Variants in UBE4B observed in about 807,000 individuals in gnomAD.
UBE4B encodes the protein ubiquitin conjugation factor E4 B.
Under a neutral mutation model 148.1 loss-of-function variants are expected in UBE4B, and 27 were observed. That is an observed-to-expected ratio of 0.18 (90% CI 0.13 to 0.25). UBE4B has a LOEUF of 0.25. Among genes scored for constraint, UBE4B ranks in the 10% least tolerant of loss-of-function variants. The pLI is 1.00. For synonymous variants in UBE4B, 596 were observed against 619.3 expected, an observed-to-expected ratio of 0.96 and a Z score of 0.56; for missense variants, 1,170 against 1,662.4, an observed-to-expected ratio of 0.70 and a Z score of 5.15.
intron 9 of UBE4B, among the ~76,000 whole-genome samples, chr1:10,121,396 C>CT (rs1268428185): frequency 6.6e-6 from 1 of 151,976 alleles, no homozygotes; most frequent in Non-Finnish European, 1.5e-5. Context: ...TATAATACTT[C>CT]TTTTTTATTT....
At chr1:10,058,521 G>A in intron 1 of UBE4B, 1 of 152,982 alleles carries the variant, frequency 6.5e-6, no homozygotes, top group Non-Finnish European at 1.5e-5. Context: ...GGCATGGGGT[G>A]CTGGGTGGTG....
At chr1:10,156,239 C>CTTT (rs199801311) in intron 21 of UBE4B, among the ~76,000 whole-genome samples, 1 of 123,772 alleles carries the variant, frequency 8.1e-6, no homozygotes, top group African/African-American at 3.1e-5. Context: ...ATTTTCTTTT[C>CTTT]TTTTTTTTTT....
chr1:10,039,227 G>A (rs1481397126), intron 1 of UBE4B, among the ~76,000 whole-genome samples: 2 of 152,124 alleles, frequency 1.3e-5, no homozygotes, highest in South Asian at 4.1e-4. Context: ...AGGGACCCCG[G>A]GAGAGGCAGG....
At position 10,161,043 on chromosome 1, in the gene UBE4B, T is replaced by C. The variant is rs1646151634; in HGVS notation, c.3054-99T>C. 7.3e-7 allele frequency: 1 copy of C among 1,364,426 alleles called. No individual in the cohort carries two copies. The allele number at this position is 1,364,426 out of a possible 1,614,324, so 84.5% of individuals were successfully genotyped here. On this transcript the variant is annotated intron_variant, in intron 22 of 27. Transcript: ENST00000343090. The surrounding 1 kb of genome is among the most constrained non-coding windows in gnomAD (Gnocchi z 4.1). ...GGGTAGCCAGGCTTTTAGGGTGAGA[T>C]AGTTGCAGTCTGGGTGGAGGTGCTT...
chr1:10,130,375 C>A, intron 12 of UBE4B, 125 bp from the exon 13 acceptor site: 1 of 901,138 alleles, frequency 1.1e-6, no homozygotes. Flanking sequence ...GCCACCATGC[C>A]TGGCTGAAAC....
In UBE4B at chr1:10,164,113, G is replaced by A. The variant is rs369280542; in HGVS notation, c.3198+2827G>A. On this transcript the variant is annotated intron_variant, in intron 23 of 27. Transcript: ENST00000343090. ...ATCAGCACTTTGGGAGGCCGAGGCC[G>A]GCAGATCACCTGAGGCCAGGAGTTT... Among the ~76,000 whole-genome samples the A allele has an allele frequency of 1.8e-4, 27 of 152,060 alleles. 1 individual carries two copies. The highest frequency in any genetic ancestry group is 3.7e-4 in the Non-Finnish European group (25 of 67,980).
chr1:10,108,576 C>T (rs1645161728), intron 7 of UBE4B, among the ~76,000 whole-genome samples: 1 of 152,016 alleles, frequency 6.6e-6, no homozygotes, highest in Non-Finnish European at 1.5e-5. Flanking sequence ...GTGTTTGTGC[C>T]CAGCACTGTT....
At chr1:10,179,601 A>T (rs760001496) in intron 27 of UBE4B, 39 bp downstream of exon 27, 1 of 1,605,018 alleles carries the variant, frequency 6.2e-7, no homozygotes, top group Non-Finnish European at 8.5e-7. Flanking sequence ...CGCTGGCGTC[A>T]GTACCAAGAG....
intron 3 of UBE4B, among the ~76,000 whole-genome samples, chr1:10,098,594 AC>A (rs1644963820): frequency 6.6e-6 from 1 of 152,110 alleles, no homozygotes; most frequent in African/African-American, 2.4e-5. Context: ...TGCTCCAGTG[AC>A]CTTGGAGGCT....
chr1:10,124,127 T>G (rs952663120), intron 10 of UBE4B, among the ~76,000 whole-genome samples: 1 of 152,076 alleles, frequency 6.6e-6, no homozygotes, highest in Non-Finnish European at 1.5e-5. Context: ...ACATTCACAG[T>G]GTTATACGAC....
intron 23 of UBE4B, among the ~76,000 whole-genome samples, chr1:10,162,944 G>A (rs911832524): frequency 2.6e-5 from 4 of 152,006 alleles, no homozygotes; most frequent in African/African-American, 4.8e-5. Flanking sequence ...GTTTGTCTTC[G>A]CCAATCAGCA....
rs372667836 is a variant in UBE4B at position 10,072,195 on chromosome 1, C to T, written c.192C>T (p.Thr64=). ...ATGTCCACAACATGACCCCAGCTAC[C>T]TCCCCAATAGGTGCATCAGGTAAGC... is the stretch of plus-strand genomic sequence containing the variant. The part of the protein sequence containing the change: ...GLNVHNMTPA[T]SPIGASGVAH... The change falls in exon 2 of 28, where the codon ACC becomes ACT. Residue 64 remains threonine, a synonymous_variant. Transcript: ENST00000343090. The T allele has an allele frequency of 5.6e-6, 9 of 1,613,414 alleles. No individual in the cohort carries two copies. Among genetic ancestry groups the T allele is most frequent in the African/African-American group, 5.3e-5 (4 of 74,906 alleles).
chr1:10,126,714 T>C, intron 10 of UBE4B, 80 bp from the exon 11 acceptor site: 1 of 1,254,492 alleles, frequency 8.0e-7, no homozygotes, highest in Admixed American at 1.9e-5. Flanking sequence ...GGACATTCAG[T>C]TCTAGCACCT....
chr1:10,106,234 T>A lies in UBE4B; in HGVS notation c.847T>A (p.Trp283Arg), dbSNP rs1443064741. Residue 283 changes from tryptophan to arginine, a missense_variant, in exon 7 of 28, where the codon TGG becomes AGG. Physicochemically the swap from Trp to Arg is moderately radical, Grantham distance 101 (BLOSUM62 -3). Around this residue, in one of 6 missense-constraint regions of UBE4B, gnomAD observed 214 missense variants for 209.1 expected, o/e 1.02. Transcript: ENST00000343090. This position sits in a 1 kb window ranked among gnomAD's most constrained non-coding sequence, Gnocchi z 4.2. ...ESSPAPTPSF[W>R]SSVPVMGPSL... is the part of the protein sequence containing the mutation. ...TAGTCCGGCTCCCACTCCCAGTTTC[T>A]GGAGCTCTGTTCCCGTGATGGGCCC... The A allele has an allele frequency of 6.2e-7, 1 of 1,611,054 alleles. No homozygotes were observed. The highest frequency in any genetic ancestry group is 8.5e-7 in the Non-Finnish European group (1 of 1,177,714).
chr1:10,086,007 T>C (rs1644759398), intron 2 of UBE4B, among the ~76,000 whole-genome samples: 2 of 152,074 alleles, frequency 1.3e-5, no homozygotes, highest in Admixed American at 1.3e-4. Flanking sequence ...AGTCTCGCTC[T>C]GTCTCCCAGG....
At chr1:10,117,145 C>G (rs1645325352) in intron 7 of UBE4B, among the ~76,000 whole-genome samples, 1 of 152,166 alleles carries the variant, frequency 6.6e-6, no homozygotes, top group African/African-American at 2.4e-5. Flanking sequence ...TGATGCCATT[C>G]TTTTTGGTTA....
At chr1:10,057,060 C>T (rs1048714527) in intron 1 of UBE4B, among the ~76,000 whole-genome samples, 12 of 152,012 alleles carry the variant, frequency 7.9e-5, no homozygotes, top group African/African-American at 2.9e-4. Context: ...GATTGGCCCG[C>T]CTCAGCCTTC....
rs985675688 is a variant in UBE4B, at chr1:10,130,489, C to A, written c.1696-11C>A. ...TCAGCGGCTTGACTGGCTCTTCCATCTTCTGCCTAGGTTGCTTCTTTGCGG... is the reference window on the plus strand; with the variant it reads ...TCAGCGGCTTGACTGGCTCTTCCATATTCTGCCTAGGTTGCTTCTTTGCGG... On this transcript the variant is annotated splice_polypyrimidine_tract_variant and intron_variant, in intron 12 of 27. Transcript: ENST00000343090. 2 of 1,613,164 alleles carry A rather than the reference C, an allele frequency of 1.2e-6. No individual in the cohort carries two copies. Among genetic ancestry groups the A allele is most frequent in the African/African-American group, 1.3e-5 (1 of 74,910 alleles).
chr1:10,144,224 G>C lies in UBE4B; in HGVS notation c.2364-716G>C, dbSNP rs139019080. Among the ~76,000 whole-genome samples the C allele has an allele frequency of 3.0e-3, 455 of 152,294 alleles. 2 individuals carry two copies. The highest frequency in any genetic ancestry group is 0.01 in the African/African-American group (435 of 41,562). The stretch of plus-strand genomic sequence containing the variant: ...CAGAGAAGAGCATTGCGAGCAGAGG[G>C]AACAGTTGTAAAGGACGATGCCGTT... On this transcript the variant is annotated intron_variant, in intron 17 of 27. Transcript: ENST00000343090.
Sources: allele counts gnomAD v4.1 joint callset (sites outside exome capture counted in the v4.1 genomes callset), GRCh38; gene constraint gnomAD v4.1.1; regional missense constraint gnomAD v4.1.1; non-coding constraint Gnocchi (gnomAD v3.1); transcripts MANE v1.5; gene names NCBI Gene and HGNC (gene_info 2026-07-23, HGNC 2026-07-21).